The following NRXN3 variants were observed in gnomAD, a reference collection of about 807,000 sequenced individuals.
NRXN3 encodes the protein neurexin 3, also known as neurexin III.
In NRXN3, 32 loss-of-function variants were observed where a neutral mutation model predicts 137.6. The observed-to-expected ratio is 0.23, with a 90% CI of 0.18 to 0.31. NRXN3 has a LOEUF of 0.31. Ranked by LOEUF, NRXN3 falls within the 10% of genes least tolerant of loss-of-function variation. NRXN3 has a pLI of 1.00. For synonymous variants in NRXN3, 798 were observed against 784.5 expected (o/e 1.02, Z -0.29); for missense variants, 1,574 against 2,062.5 (o/e 0.76, Z 4.59).
At chr14:79,279,912 G>A (rs544531909) in intron 15 of NRXN3, 1 of 1,043,140 alleles carries the variant, frequency 9.6e-7, no homozygotes, top group Non-Finnish European at 1.2e-6. Flanking sequence ...TTTCCTCTGT[G>A]TGGCTCCCGG....
chr14:78,465,208 T>C (rs2095061836), intron 4 of NRXN3, among the ~76,000 whole-genome samples: 1 of 152,002 alleles, frequency 6.6e-6, no homozygotes, highest in Admixed American at 6.6e-5. Context: ...AAAGAAAATT[T>C]AGATGAAAAG....
intron 1 of NRXN3, among the ~76,000 whole-genome samples, chr14:78,183,726 AAGTGGGC>A (rs2060006132): frequency 6.6e-6 from 1 of 152,128 alleles, no homozygotes; most frequent in Admixed American, 6.6e-5. Context: ...GAGAAGCTAG[AAGTGGGC>A]AGGCTGGCTT....
chr14:79,358,347 G>C (rs954423337), intron 15 of NRXN3, among the ~76,000 whole-genome samples: 1 of 151,904 alleles, frequency 6.6e-6, no homozygotes, highest in African/African-American at 2.4e-5. Context: ...GAGGCGAGCC[G>C]ATCACGCGGT....
At chr14:78,580,144 A>C (rs1436287430) in intron 4 of NRXN3, among the ~76,000 whole-genome samples, 1 of 152,028 alleles carries the variant, frequency 6.6e-6, no homozygotes, top group African/African-American at 2.4e-5. Context: ...TTAATATTTC[A>C]TCTGTAATTT....
intron 19 of NRXN3, among the ~76,000 whole-genome samples, chr14:79,713,253 T>G (rs1302478376): frequency 6.8e-6 from 1 of 147,850 alleles, no homozygotes; most frequent in Non-Finnish European, 1.5e-5. Flanking sequence ...TCAGGTCTCT[T>G]GAACCACATG....
At position 78,197,290 on chromosome 14, in the gene NRXN3, G is replaced by A. The variant is rs1489867512; in HGVS notation, c.-704+26616G>A. Among the ~76,000 whole-genome samples, 3 of 152,180 alleles carry A rather than the reference G, an allele frequency of 2.0e-5. No homozygotes were observed. The East Asian group carries it at 5.8e-4, about 29-fold the overall frequency. ...AGCTGGGGTGCTAGAAAAGAACTTC[G>A]GCTTTCAGAGCTTGGCTGCATGCCA... On this transcript the variant is annotated intron_variant, in intron 1 of 20. Transcript: ENST00000335750.
At chr14:79,348,407 G>T (rs1464034474) in intron 15 of NRXN3, among the ~76,000 whole-genome samples, 2 of 136,860 alleles carry the variant, frequency 1.5e-5, no homozygotes, top group African/African-American at 5.6e-5. Flanking sequence ...ACAGAGTCTC[G>T]CTCTGTCGCC....
chr14:78,837,805 C>T (rs566493846), intron 10 of NRXN3, among the ~76,000 whole-genome samples: 1 of 152,240 alleles, frequency 6.6e-6, no homozygotes. Context: ...GTTGTTATGC[C>T]ACATTACAGT....
intron 10 of NRXN3, among the ~76,000 whole-genome samples, chr14:78,834,931 T>TC (rs2098992174): frequency 6.6e-6 from 1 of 151,996 alleles, no homozygotes; most frequent in Admixed American, 6.6e-5. Context: ...TGCAGACTCT[T>TC]CCCCTCCCCT....
chr14:78,366,883 C>T (rs770681721), intron 4 of NRXN3, among the ~76,000 whole-genome samples: 1 of 152,160 alleles, frequency 6.6e-6, no homozygotes, highest in Non-Finnish European at 1.5e-5. Context: ...TGGTGTATTT[C>T]CTTACTGTCT....
At chr14:79,795,855 G>A (rs1378589888) in intron 19 of NRXN3, among the ~76,000 whole-genome samples, 1 of 151,986 alleles carries the variant, frequency 6.6e-6, no homozygotes, top group South Asian at 2.1e-4. Flanking sequence ...GTACTAACAT[G>A]CACTCTTTTC....
chr14:79,082,077 T>TAC (rs35200573), intron 15 of NRXN3, among the ~76,000 whole-genome samples: 37,068 of 151,362 alleles, frequency 0.24, 4,946 homozygotes, highest in Admixed American at 0.4. Flanking sequence ...CATATATATA[T>TAC]ACATATATAC....
chr14:79,206,670 T>G (rs969011446), intron 15 of NRXN3, among the ~76,000 whole-genome samples: 1 of 152,198 alleles, frequency 6.6e-6, no homozygotes, highest in Non-Finnish European at 1.5e-5. Context: ...AACATCCCAG[T>G]GCTGCTTTCT....
At chr14:78,892,266 T>G (rs2099161197) in intron 10 of NRXN3, among the ~76,000 whole-genome samples, 1 of 152,016 alleles carries the variant, frequency 6.6e-6, no homozygotes, top group African/African-American at 2.4e-5. Context: ...TGGAGACATC[T>G]GAGAAGGCTT....
At chr14:78,502,722 A>G (rs2095903038) in intron 4 of NRXN3, among the ~76,000 whole-genome samples, 1 of 152,204 alleles carries the variant, frequency 6.6e-6, no homozygotes, top group African/African-American at 2.4e-5. Context: ...GGGCAATTGC[A>G]AGAAATACCA....
intron 10 of NRXN3, among the ~76,000 whole-genome samples, chr14:78,843,855 A>G (rs2099019468): frequency 6.6e-6 from 1 of 152,116 alleles, no homozygotes; most frequent in Non-Finnish European, 1.5e-5. Context: ...GCATTGACAT[A>G]AGGAATGTCT....
intron 15 of NRXN3, among the ~76,000 whole-genome samples, chr14:79,181,681 C>CA (rs10658164): frequency 0.11 from 10,235 of 97,410 alleles, 760 homozygotes; most frequent in East Asian, 0.28. Context: ...GACCCTGTCT[C>CA]AAAAAAAAAA....
intron 15 of NRXN3, among the ~76,000 whole-genome samples, chr14:79,185,420 T>C (rs2063406489): frequency 6.6e-6 from 1 of 152,142 alleles, no homozygotes; most frequent in Non-Finnish European, 1.5e-5. Flanking sequence ...AGCAAACAAT[T>C]CTGTAACATC....
At chr14:78,649,270 C>T in intron 5 of NRXN3, 9 of 1,344,800 alleles carry the variant, frequency 6.7e-6, no homozygotes, top group Non-Finnish European at 8.9e-6. Flanking sequence ...CCGCAAAGCA[C>T]TCAGGCATCG....
Sources: gnomAD v4.1 joint callset for allele counts (sites outside exome capture counted in the v4.1 genomes callset) on GRCh38, gnomAD v4.1.1 for gene constraint, MANE v1.5 for transcripts, NCBI Gene and HGNC (gene_info 2026-07-23, HGNC 2026-07-21) for gene names.